The following ARHGEF4 variants were observed in gnomAD, a reference collection of about 807,000 sequenced individuals.
ARHGEF4 encodes APC-stimulated guanine nucleotide exchange factor 1.
In ARHGEF4, 119 loss-of-function variants were observed where a neutral mutation model predicts 162.0. That is an observed-to-expected ratio of 0.73 (90% confidence interval 0.63 to 0.86). ARHGEF4 has a LOEUF of 0.86. ARHGEF4 is among the 40% of genes least tolerant of loss of function. The pLI, the probability that ARHGEF4 is intolerant of heterozygous loss-of-function variation, is 0.00. For missense variants in ARHGEF4, 2,488 were observed against 2,456.0 expected (o/e 1.01, Z -0.28); for synonymous variants, 1,014 against 979.9 (o/e 1.03, Z -0.65).
intron 5 of ARHGEF4, chr2:131,035,496 G>A: frequency 2.8e-6 from 1 of 352,878 alleles, no homozygotes. Flanking sequence ...GGCTGCGGGG[G>A]CGAGGGGGGA....
chr2:130,897,438 A>G (rs1316793426), intron 1 of ARHGEF4, among the ~76,000 whole-genome samples: 1 of 152,078 alleles, frequency 6.6e-6, no homozygotes, highest in Non-Finnish European at 1.5e-5. Context: ...CTAGTCTGCC[A>G]GCGGTGAGCA....
intron 1 of ARHGEF4, among the ~76,000 whole-genome samples, chr2:130,889,053 G>A (rs963608367): frequency 4.6e-5 from 7 of 151,084 alleles, no homozygotes; most frequent in African/African-American, 7.3e-5. Flanking sequence ...TGCAGTGAGC[G>A]GAGATCATGC....
intron 4 of ARHGEF4, among the ~76,000 whole-genome samples, chr2:130,992,944 C>T (rs965657216): frequency 1.5e-4 from 23 of 152,162 alleles, no homozygotes; most frequent in East Asian, 5.8e-4. Flanking sequence ...ATAAGGCAGG[C>T]GTGATTGTGC....
At chr2:130,988,678 G>T (rs1686683815) in intron 4 of ARHGEF4, among the ~76,000 whole-genome samples, 1 of 151,910 alleles carries the variant, frequency 6.6e-6, no homozygotes, top group Non-Finnish European at 1.5e-5. Flanking sequence ...GGATTCACTG[G>T]ATGTCACTAA....
chr2:130,911,239 T>A (rs1427136703), intron 1 of ARHGEF4, among the ~76,000 whole-genome samples: 1 of 152,190 alleles, frequency 6.6e-6, no homozygotes, highest in East Asian at 1.9e-4. Flanking sequence ...TGCAGCTGTT[T>A]CTTACAGGAG....
At chr2:130,929,227 AT>A (rs1682480012) in intron 2 of ARHGEF4, among the ~76,000 whole-genome samples, 1 of 152,208 alleles carries the variant, frequency 6.6e-6, no homozygotes, top group African/African-American at 2.4e-5. Context: ...GTAGAGCAAT[AT>A]TTGGGAGCTC....
chr2:130,914,763 A>G lies in ARHGEF4; in HGVS notation c.817A>G (p.Ser273Gly). 1.4e-6 allele frequency: 2 copies of G among 1,427,172 alleles called. No individual in the cohort carries two copies. The highest frequency in any genetic ancestry group is 9.1e-7 in the Non-Finnish European group (1 of 1,096,166). 88.4% of individuals were successfully genotyped at this position (1,427,172 alleles called of 1,614,324 possible). A position where few individuals can be genotyped will look rare whatever the true frequency, so the allele number is the denominator to read the frequency against. ...APLGTRTKKESTLGPAGDTEL... is the reference protein window; with the variant it reads ...APLGTRTKKEGTLGPAGDTEL... ...TCTGGGGACCAGGACAAAGAAGGAA[A>G]GTACTCTAGGCCCTGCAGGGGACAC... is the stretch of plus-strand genomic sequence containing the variant. The change falls in exon 2 of 14, where the codon AGT (serine) becomes GGT (glycine). Residue 273 changes from serine to glycine, a missense_variant. Physicochemically the swap from Ser to Gly is moderately conservative, Grantham distance 56 (BLOSUM62 0). Transcript: ENST00000409359.
At chr2:130,864,861 T>C (rs1447874367) in intron 1 of ARHGEF4, among the ~76,000 whole-genome samples, 1 of 152,232 alleles carries the variant, frequency 6.6e-6, no homozygotes, top group Non-Finnish European at 1.5e-5. Context: ...ATTGGTATGG[T>C]ATGTGAATTA....
At chr2:130,988,872 G>GTGTGTA (rs1161821092) in intron 4 of ARHGEF4, among the ~76,000 whole-genome samples, 3 of 108,504 alleles carry the variant, frequency 2.8e-5, no homozygotes, top group African/African-American at 1.1e-4. Flanking sequence ...GTGTGTGTGT[G>GTGTGTA]TATATATATA....
chr2:130,946,103 A>G lies in ARHGEF4; in HGVS notation c.3859-406A>G, dbSNP rs147826953. 5.7e-3 allele frequency among the ~76,000 whole-genome samples: 869 copies of G among 152,328 alleles called. 7 individuals carry two copies. The highest frequency in any genetic ancestry group is 0.019 in the African/African-American group (805 of 41,572). ...CTGTCTGAAGGGCAGTGTCTGCTTCATAATTAGGAGATGTCACGGATTTCG... is the reference window on the plus strand; with the variant it reads ...CTGTCTGAAGGGCAGTGTCTGCTTCGTAATTAGGAGATGTCACGGATTTCG... On this transcript the variant is annotated intron_variant, in intron 3 of 13. Transcript: ENST00000409359.
chr2:131,017,868 AG>A (rs1688865598), intron 4 of ARHGEF4, among the ~76,000 whole-genome samples: 1 of 152,206 alleles, frequency 6.6e-6, no homozygotes, highest in Non-Finnish European at 1.5e-5. Flanking sequence ...GTTGTCTCCG[AG>A]TTGATACATA....
chr2:130,885,052 A>G (rs1262436368), intron 1 of ARHGEF4, among the ~76,000 whole-genome samples: 1 of 152,118 alleles, frequency 6.6e-6, no homozygotes, highest in Non-Finnish European at 1.5e-5. Flanking sequence ...AATCTACTCC[A>G]TACTTCCACC....
intron 5 of ARHGEF4, chr2:131,035,960 GCC>G: frequency 1.4e-6 from 1 of 703,818 alleles, no homozygotes; most frequent in Non-Finnish European, 1.7e-6. Context: ...CCCGCTCCCT[GCC>G]CTGGGCTATT....
At chr2:130,874,623 A>G (rs1678706315) in intron 1 of ARHGEF4, among the ~76,000 whole-genome samples, 1 of 152,204 alleles carries the variant, frequency 6.6e-6, no homozygotes, top group East Asian at 1.9e-4. Flanking sequence ...AAGAAATAAT[A>G]CAGAGATCTA....
intron 3 of ARHGEF4, among the ~76,000 whole-genome samples, chr2:130,941,749 CTCA>C (rs1683314630): frequency 6.6e-6 from 1 of 152,104 alleles, no homozygotes; most frequent in Non-Finnish European, 1.5e-5. Flanking sequence ...GGTCTTCATC[CTCA>C]TCATCTTCAC....
intron 1 of ARHGEF4, among the ~76,000 whole-genome samples, chr2:130,894,444 T>C (rs1472373833): frequency 6.6e-6 from 1 of 152,034 alleles, no homozygotes. Context: ...CAGTAGTCGC[T>C]TTGGGCCCTT....
At chr2:130,990,259 TACAA>T (rs1686852959) in intron 4 of ARHGEF4, among the ~76,000 whole-genome samples, 1 of 152,320 alleles carries the variant, frequency 6.6e-6, no homozygotes, top group South Asian at 2.1e-4. Context: ...AAATATGTCT[TACAA>T]ACAGTTTGAA....
intron 3 of ARHGEF4, among the ~76,000 whole-genome samples, chr2:130,944,010 A>G (rs1683461802): frequency 6.6e-6 from 1 of 152,068 alleles, no homozygotes; most frequent in Non-Finnish European, 1.5e-5. Flanking sequence ...GTTTTTCTCC[A>G]TGTGATAATG....
chr2:130,969,714 C>T (rs1685236952), intron 4 of ARHGEF4, among the ~76,000 whole-genome samples: 1 of 152,088 alleles, frequency 6.6e-6, no homozygotes, highest in African/African-American at 2.4e-5. Flanking sequence ...TAGAGTTTGA[C>T]AGACACATGC....
Sources: allele counts gnomAD v4.1 joint callset (sites outside exome capture counted in the v4.1 genomes callset), GRCh38; gene constraint gnomAD v4.1.1; transcripts MANE v1.5; gene names NCBI Gene and HGNC (gene_info 2026-07-23, HGNC 2026-07-21).